The following PUM1 variants were observed in gnomAD, a reference collection of about 807,000 sequenced individuals.
The protein encoded by PUM1 is pumilio RNA binding family member 1.
Under a neutral mutation model 131.8 loss-of-function variants are expected in PUM1, and 13 were observed. That is an observed-to-expected ratio of 0.10 (90% CI 0.06 to 0.16). PUM1 has a LOEUF of 0.16. Among genes scored for constraint, PUM1 ranks in the 10% least tolerant of loss-of-function variants. The pLI, the probability that PUM1 is intolerant of heterozygous loss-of-function variation, is 1.00. For synonymous variants in PUM1, 509 were observed against 556.5 expected, an observed-to-expected ratio of 0.91 and a Z score of 1.20; for missense variants, 961 against 1,512.4, an observed-to-expected ratio of 0.64 and a Z score of 6.05.
intron 1 of PUM1, among the ~76,000 whole-genome samples, chr1:31,060,099 C>T (rs936920037): frequency 1.3e-5 from 2 of 151,024 alleles, no homozygotes; most frequent in African/African-American, 4.9e-5. Flanking sequence ...CTACCCACCT[C>T]GGCCTCCGGA....
At chr1:30,982,543 C>T (rs1397812491) in intron 7 of PUM1, among the ~76,000 whole-genome samples, 2 of 152,220 alleles carry the variant, frequency 1.3e-5, no homozygotes, top group African/African-American at 4.8e-5. Context: ...AACCTACCTG[C>T]TCTTCCTACA....
intron 5 of PUM1, among the ~76,000 whole-genome samples, chr1:31,005,380 T>G (rs1642363498): frequency 6.6e-6 from 1 of 152,182 alleles, no homozygotes; most frequent in Non-Finnish European, 1.5e-5. Context: ...GATTCTATAA[T>G]TAAATCGTAG....
Position 31,054,535 on chromosome 1 carries a change from T to TAA in PUM1, c.363+4667_363+4668dup, listed in dbSNP as rs555867693. Among the ~76,000 whole-genome samples, 248 of 83,310 alleles carry TAA rather than the reference T, an allele frequency of 3.0e-3. 5 individuals are homozygous for TAA. Among genetic ancestry groups the TAA allele is most frequent in the East Asian group, 0.026 (85 of 3,260 alleles). The allele number at this position is 83,310 out of a possible 152,430, so 54.7% of individuals were successfully genotyped here. ...TTGTTCCATTATGCCAAAGGGCCAC[T>TAA]AAAAAAAAAAAAAAAAAAAAAAAGG... On this transcript the variant is annotated intron_variant, in intron 2 of 21. Transcript: ENST00000426105.
Position 30,931,736 on chromosome 1 carries a change from C to G in PUM1, c.*1475G>C, listed in dbSNP as rs1401256169. On this transcript the variant is annotated 3_prime_UTR_variant, in exon 22 of 22. Transcript: ENST00000426105. ...TCTATATTCAAACAAGGAAAATTGA[C>G]AGTATGTTACATTCACTTACAAGTA... is the stretch of plus-strand genomic sequence containing the variant. The G allele has an allele frequency of 1.8e-4, 27 of 152,580 alleles. No individual in the cohort carries two copies. Among genetic ancestry groups the G allele is most frequent in the Admixed American group, 1.8e-3 (27 of 15,264 alleles). The allele number at this position is 152,580 out of a possible 1,614,324, so 9.5% of individuals were successfully genotyped here.
At chr1:31,026,079 C>T (rs1404762653) in intron 3 of PUM1, among the ~76,000 whole-genome samples, 1 of 151,940 alleles carries the variant, frequency 6.6e-6, no homozygotes, top group East Asian at 1.9e-4. Context: ...CAGTGAAACC[C>T]TGTTTCTACT....
chr1:31,010,336 G>A (rs1642565315), intron 3 of PUM1, among the ~76,000 whole-genome samples: 1 of 152,102 alleles, frequency 6.6e-6, no homozygotes, highest in Non-Finnish European at 1.5e-5. Flanking sequence ...CCCTTCCCCT[G>A]ACTGTGGGCT....
chr1:31,050,542 C>T (rs1253850121), intron 2 of PUM1, among the ~76,000 whole-genome samples: 2 of 152,110 alleles, frequency 1.3e-5, no homozygotes, highest in East Asian at 3.9e-4. Context: ...TAATGTTAAG[C>T]CTTGTGAATT....
chr1:31,006,961 TA>T, intron 4 of PUM1, 32 bp downstream of exon 4: 1 of 1,530,360 alleles, frequency 6.5e-7, no homozygotes, highest in Non-Finnish European at 9.0e-7. Flanking sequence ...AAGACAGGCA[TA>T]AATCACAGTA....
chr1:31,032,717 G>A (rs1643475310), intron 2 of PUM1, among the ~76,000 whole-genome samples: 2 of 152,198 alleles, frequency 1.3e-5, no homozygotes, highest in South Asian at 4.1e-4. Context: ...TAAAGCAGGA[G>A]GACTGCTTGA....
chr1:30,992,261 G>T (rs1282583550), intron 7 of PUM1, 129 bp downstream of exon 7: 2 of 1,259,014 alleles, frequency 1.6e-6, no homozygotes, highest in East Asian at 2.4e-5. Flanking sequence ...TCACTAACAG[G>T]TTCACAAGGG....
At chr1:31,033,833 A>G (rs1268573009) in intron 2 of PUM1, among the ~76,000 whole-genome samples, 1 of 151,990 alleles carries the variant, frequency 6.6e-6, no homozygotes, top group Non-Finnish European at 1.5e-5. Flanking sequence ...TTTTGTAGAG[A>G]CAAGGTTTCA....
intron 2 of PUM1, among the ~76,000 whole-genome samples, chr1:31,043,482 A>G (rs1643886160): frequency 6.6e-6 from 1 of 152,022 alleles, no homozygotes; most frequent in Non-Finnish European, 1.5e-5. Flanking sequence ...AGCCTCCCAA[A>G]TTGCTGGGAT....
intron 1 of PUM1, among the ~76,000 whole-genome samples, chr1:31,063,013 G>C (rs1048379325): frequency 2.0e-5 from 3 of 152,180 alleles, no homozygotes; most frequent in Non-Finnish European, 4.4e-5. Context: ...CCCTGCTCAA[G>C]TACCAAAACC....
chr1:30,961,110 C>T (rs932367549), intron 14 of PUM1, among the ~76,000 whole-genome samples: 1 of 151,886 alleles, frequency 6.6e-6, no homozygotes, highest in Non-Finnish European at 1.5e-5. Context: ...AGGAGAATCA[C>T]TTGAACCGGG....
intron 5 of PUM1, among the ~76,000 whole-genome samples, chr1:31,002,500 C>A (rs1286059391): frequency 6.6e-6 from 1 of 152,116 alleles, no homozygotes; most frequent in Admixed American, 6.5e-5. Context: ...AGGCTTCCAC[C>A]TATTTGAAAA....
intron 20 of PUM1, among the ~76,000 whole-genome samples, chr1:30,939,732 C>T (rs1639365235): frequency 6.6e-6 from 1 of 152,110 alleles, no homozygotes; most frequent in African/African-American, 2.4e-5. Context: ...GTGGTGTGCA[C>T]CTACAGTCCC....
At chr1:31,024,709 CG>C (rs1318785907) in intron 3 of PUM1, among the ~76,000 whole-genome samples, 1 of 152,166 alleles carries the variant, frequency 6.6e-6, no homozygotes, top group Non-Finnish European at 1.5e-5. Flanking sequence ...ACCAATTATG[CG>C]AACAAAGTAC....
chr1:30,999,379 G>T (rs1642105997), intron 5 of PUM1, among the ~76,000 whole-genome samples: 1 of 152,018 alleles, frequency 6.6e-6, no homozygotes, highest in African/African-American at 2.4e-5. Flanking sequence ...GGCCGAGGCA[G>T]GCGGATCACC....
chr1:31,011,648 C>T (rs72884099), intron 3 of PUM1, among the ~76,000 whole-genome samples: 3,460 of 152,254 alleles, frequency 0.023, 158 homozygotes, highest in African/African-American at 0.078. Context: ...GGTAAAATAT[C>T]CTAGTTTGCC....
Sources: gnomAD v4.1 joint callset for allele counts (sites outside exome capture counted in the v4.1 genomes callset) on GRCh38, gnomAD v4.1.1 for gene constraint, MANE v1.5 for transcripts, NCBI Gene and HGNC (gene_info 2026-07-23, HGNC 2026-07-21) for gene names.